Variants in ANK3 observed in about 807,000 individuals in gnomAD.
ANK3 encodes the protein ankyrin-3.
A neutral mutation model predicts 370.9 loss-of-function variants in ANK3; 57 were observed. The ratio of observed to expected loss-of-function variants is 0.15; its 90% CI spans 0.12 to 0.19. The LOEUF is 0.19. ANK3 is among the 10% of genes least tolerant of loss of function. The pLI is 1.00. For synonymous variants in ANK3, 1,929 were observed against 1,946.3 expected (o/e 0.99, Z 0.23); for missense variants, 4,439 against 5,302.1 (o/e 0.84, Z 5.06).
chr10:60,091,882 C>G (rs2088598126), intron 28 of ANK3, among the ~76,000 whole-genome samples: 1 of 152,114 alleles, frequency 6.6e-6, no homozygotes, highest in African/African-American at 2.4e-5. Context: ...AGGCATGCGC[C>G]ACCATGCCCA....
chr10:60,056,390 AC>A (rs1387562207), intron 41 of ANK3, among the ~76,000 whole-genome samples: 3 of 151,876 alleles, frequency 2.0e-5, no homozygotes, highest in African/African-American at 7.3e-5. Context: ...GATTGCTTGA[AC>A]CCGGGAGGTG....
intron 2 of ANK3, among the ~76,000 whole-genome samples, chr10:60,576,829 T>C (rs1199078311): frequency 6.6e-6 from 1 of 152,180 alleles, no homozygotes; most frequent in Non-Finnish European, 1.5e-5. Context: ...CCTCCACCTG[T>C]GGCAAGGGTT....
chr10:60,639,288 G>A (rs1216739074), intron 1 of ANK3, among the ~76,000 whole-genome samples: 1 of 150,266 alleles, frequency 6.7e-6, no homozygotes, highest in Non-Finnish European at 1.5e-5. Flanking sequence ...TTTCAAAAAT[G>A]AAGATGAAAT....
In ANK3 at chr10:60,072,490, G is replaced by A. The variant is rs374139152; in HGVS notation, c.8391C>T (p.Asn2797=). Residue 2797 remains asparagine (N), a synonymous_variant, in exon 37 of 44, where the codon AAC becomes AAT. Coordinates refer to ENST00000280772, the MANE Select transcript of ANK3 (RefSeq NM_020987.5). ...AGCCAGAATCATTTACAACAATTTC[G>A]TTGCTTTGGGCATGCTCATCTTTGG... is the stretch of plus-strand genomic sequence containing the variant. The part of the protein sequence containing the change: ...LKTKDEHAQS[N]EIVVNDSGSD... The A allele has an allele frequency of 3.3e-5, 53 of 1,613,788 alleles. No individual in the cohort carries two copies. The East Asian group carries it at 3.3e-4, about 10-fold the overall frequency.
At chr10:60,131,246 A>G (rs571157596) in intron 25 of ANK3, among the ~76,000 whole-genome samples, 48 of 152,214 alleles carry the variant, frequency 3.2e-4, no homozygotes, top group African/African-American at 1.1e-3. Context: ...AGTCCCTAAA[A>G]TGTCTTTATG....
chr10:60,447,808 A>T (rs989359658), intron 2 of ANK3, among the ~76,000 whole-genome samples: 4 of 152,166 alleles, frequency 2.6e-5, no homozygotes, highest in Non-Finnish European at 5.9e-5. Flanking sequence ...GCAGGCCTAG[A>T]TACGCAACCC....
intron 1 of ANK3, among the ~76,000 whole-genome samples, chr10:60,702,140 T>A (rs1437253700): frequency 6.6e-6 from 1 of 151,778 alleles, no homozygotes; most frequent in East Asian, 1.9e-4. Context: ...GTGGCACACA[T>A]CTGTAGTCTC....
intron 1 of ANK3, among the ~76,000 whole-genome samples, chr10:60,375,205 G>A (rs983994527): frequency 3.3e-5 from 5 of 152,184 alleles, no homozygotes; most frequent in African/African-American, 4.8e-5. Context: ...TACATTACAA[G>A]TAATCAAGCA....
chr10:60,229,196 G>T, intron 8 of ANK3, among the ~76,000 whole-genome samples: 1 of 151,948 alleles, frequency 6.6e-6, no homozygotes, highest in South Asian at 2.1e-4. Flanking sequence ...GTAATTTTTT[G>T]ACATAAAAAT....
At chr10:60,702,090 C>A (rs1158053215) in intron 1 of ANK3, among the ~76,000 whole-genome samples, 2 of 151,946 alleles carry the variant, frequency 1.3e-5, no homozygotes, top group Non-Finnish European at 2.9e-5. Flanking sequence ...GAGTCTCCAT[C>A]TCTACAAAAA....
rs78524114 is a variant in ANK3 at position 60,250,785 on chromosome 10, C to A, written c.798+11074G>T. On this transcript the variant is annotated intron_variant, in intron 7 of 43. Transcript: ENST00000280772. Reference sequence around the variant, plus strand: ...ATAAGATCATCAAGTTTCTAAATGTCCAGAGTCCATTTCAAAGCCCGATTA... The same window carrying A: ...ATAAGATCATCAAGTTTCTAAATGTACAGAGTCCATTTCAAAGCCCGATTA... Among the ~76,000 whole-genome samples the A allele has an allele frequency of 7.2e-3, 1,090 of 152,250 alleles. 15 individuals carry two copies. Among genetic ancestry groups the A allele is most frequent in the African/African-American group, 0.025 (1,050 of 41,540 alleles).
chr10:60,487,493 A>T (rs1032122354), intron 2 of ANK3, among the ~76,000 whole-genome samples: 3 of 152,202 alleles, frequency 2.0e-5, no homozygotes, highest in Non-Finnish European at 4.4e-5. Context: ...GACCATTAAT[A>T]AATTAATAAG....
chr10:60,226,613 CAA>C (rs1565824604), intron 8 of ANK3, among the ~76,000 whole-genome samples: 2 of 101,516 alleles, frequency 2.0e-5, no homozygotes, highest in Non-Finnish European at 3.8e-5. Flanking sequence ...TAATCAAAAG[CAA>C]AAGTCACTAT....
intron 21 of ANK3, among the ~76,000 whole-genome samples, chr10:60,167,242 G>A (rs1023116520): frequency 2.0e-5 from 3 of 152,160 alleles, no homozygotes; most frequent in Non-Finnish European, 4.4e-5. Flanking sequence ...CCCATTCCAC[G>A]AAAGGTCTCG....
At chr10:60,348,018 T>C (rs557902133) in intron 1 of ANK3, among the ~76,000 whole-genome samples, 1 of 152,190 alleles carries the variant, frequency 6.6e-6, no homozygotes, top group East Asian at 1.9e-4. Context: ...ACCACCACCA[T>C]GCTTTGCTTT....
chr10:60,636,061 A>T (rs1197853154), intron 1 of ANK3, among the ~76,000 whole-genome samples: 1 of 152,206 alleles, frequency 6.6e-6, no homozygotes, highest in East Asian at 1.9e-4. Flanking sequence ...AATTAAGTTG[A>T]CACATCATGG....
At chr10:60,629,365 A>G (rs2078452321) in intron 1 of ANK3, among the ~76,000 whole-genome samples, 1 of 152,214 alleles carries the variant, frequency 6.6e-6, no homozygotes, top group Non-Finnish European at 1.5e-5. Flanking sequence ...AAAAGGTAAC[A>G]AGCATCATAT....
intron 4 of ANK3, among the ~76,000 whole-genome samples, chr10:60,275,934 T>A (rs1201968374): frequency 2.6e-5 from 4 of 152,224 alleles, no homozygotes; most frequent in Non-Finnish European, 4.4e-5. Context: ...TCATTGTTGA[T>A]ACATCTAATA....
chr10:60,516,140 A>T (rs1485130662), intron 2 of ANK3, among the ~76,000 whole-genome samples: 1 of 152,066 alleles, frequency 6.6e-6, no homozygotes, highest in Admixed American at 6.6e-5. Context: ...GCCAAGGAGG[A>T]GGTGAAATTT....
Sources: allele counts gnomAD v4.1 joint callset (sites outside exome capture counted in the v4.1 genomes callset), GRCh38; gene constraint gnomAD v4.1.1; transcripts MANE v1.5; gene names NCBI Gene and HGNC (gene_info 2026-07-23, HGNC 2026-07-21).